Variants in SCLT1 observed in about 807,000 individuals in gnomAD.
The protein encoded by SCLT1 is sodium channel-associated protein 1.
SCLT1 carries 78 observed loss-of-function variants against 112.8 expected under a neutral mutation model. The ratio of observed to expected loss-of-function variants is 0.69; its 90% CI spans 0.58 to 0.83. The LOEUF is 0.83. SCLT1 is among the 40% of genes least tolerant of loss of function. The pLI, the probability that SCLT1 is intolerant of heterozygous loss-of-function variation, is 0.00. For synonymous variants in SCLT1, 257 were observed against 254.7 expected, an observed-to-expected ratio of 1.01 and a Z score of -0.09; for missense variants, 747 against 770.4, an observed-to-expected ratio of 0.97 and a Z score of 0.36.
At chr4:128,962,505 G>C (rs1170986846) in intron 11 of SCLT1, among the ~76,000 whole-genome samples, 1 of 151,966 alleles carries the variant, frequency 6.6e-6, no homozygotes, top group Non-Finnish European at 1.5e-5. Context: ...GATAATATTA[G>C]ACTTTACCTG....
At chr4:128,952,429 T>G (rs1738836396) in intron 14 of SCLT1, 1 of 473,554 alleles carries the variant, frequency 2.1e-6, no homozygotes, top group Non-Finnish European at 4.2e-6. Flanking sequence ...TTTCTGTATT[T>G]CTTCCTTCCC....
chr4:129,016,169 AGTTTT>A (rs1744976985), intron 5 of SCLT1, among the ~76,000 whole-genome samples: 1 of 152,018 alleles, frequency 6.6e-6, no homozygotes, highest in Non-Finnish European at 1.5e-5. Context: ...TTATTATTTT[AGTTTT>A]ATCTTATTTT....
intron 18 of SCLT1, among the ~76,000 whole-genome samples, chr4:128,896,992 C>A (rs370076873): frequency 1.3e-5 from 2 of 152,076 alleles, no homozygotes; most frequent in Non-Finnish European, 2.9e-5. Context: ...TAAAAAGAAA[C>A]GAACAAAGCC....
intron 2 of SCLT1, among the ~76,000 whole-genome samples, chr4:129,076,074 C>G (rs1561056661): frequency 6.6e-6 from 1 of 152,112 alleles, no homozygotes; most frequent in Non-Finnish European, 1.5e-5. Flanking sequence ...TCCATAATAA[C>G]ATACATATTA....
chr4:128,944,612 C>T (rs1467481970), intron 16 of SCLT1: 1 of 152,058 alleles, frequency 6.6e-6, no homozygotes, highest in African/African-American at 2.4e-5. Context: ...CTACAGCACT[C>T]CAAACATTCC....
chr4:129,061,486 T>C (rs1447644943), intron 2 of SCLT1, among the ~76,000 whole-genome samples: 1 of 152,136 alleles, frequency 6.6e-6, no homozygotes, highest in Non-Finnish European at 1.5e-5. Context: ...GGTGATAGCA[T>C]ACTTCAGATC....
At chr4:128,984,417 T>C (rs1355122912) in intron 9 of SCLT1, among the ~76,000 whole-genome samples, 2 of 152,174 alleles carry the variant, frequency 1.3e-5, no homozygotes, top group African/African-American at 4.8e-5. Flanking sequence ...ACAAGACAAA[T>C]AGTTTCTAAG....
At chr4:128,999,620 C>T in intron 7 of SCLT1, 52 bp downstream of exon 7, 1 of 1,451,730 alleles carries the variant, frequency 6.9e-7, no homozygotes, top group South Asian at 1.2e-5. Flanking sequence ...ACAGTTTCTT[C>T]AGAGTGCAAT....
chr4:128,926,115 C>A (rs1256041506), intron 18 of SCLT1, among the ~76,000 whole-genome samples: 1 of 151,610 alleles, frequency 6.6e-6, no homozygotes, highest in South Asian at 2.1e-4. Context: ...GTTATGGGTA[C>A]CATTTTCCTG....
intron 9 of SCLT1, among the ~76,000 whole-genome samples, chr4:128,977,247 T>G (rs1741257025): frequency 6.6e-6 from 1 of 152,236 alleles, no homozygotes; most frequent in Admixed American, 6.5e-5. Flanking sequence ...GAATATAATT[T>G]GGACATGTTG....
chr4:129,052,198 A>C (rs1210640062), intron 2 of SCLT1, among the ~76,000 whole-genome samples: 3 of 151,932 alleles, frequency 2.0e-5, no homozygotes, highest in Non-Finnish European at 4.4e-5. Flanking sequence ...TTTTTGTTGT[A>C]TCTCTGCCAG....
At chr4:129,046,965 G>A (rs1748242590) in intron 2 of SCLT1, among the ~76,000 whole-genome samples, 1 of 152,040 alleles carries the variant, frequency 6.6e-6, no homozygotes, top group Non-Finnish European at 1.5e-5. Flanking sequence ...CTTTTGTGAA[G>A]TGACCTGTTT....
At chr4:128,953,811 C>CA (rs1738985605) in intron 13 of SCLT1, among the ~76,000 whole-genome samples, 3 of 129,354 alleles carry the variant, frequency 2.3e-5, no homozygotes, top group South Asian at 2.6e-4. Context: ...AAAAAAAAAA[C>CA]AAAAAAACAA....
At chr4:128,984,537 A>G (rs956028555) in intron 9 of SCLT1, among the ~76,000 whole-genome samples, 23 of 152,146 alleles carry the variant, frequency 1.5e-4, no homozygotes, top group Non-Finnish European at 3.2e-4. Flanking sequence ...CTTTAGCTCA[A>G]TATTACGAAG....
chr4:129,005,673 C>A (rs1402752622), intron 5 of SCLT1, among the ~76,000 whole-genome samples: 2 of 151,906 alleles, frequency 1.3e-5, no homozygotes, highest in South Asian at 2.1e-4. Context: ...TGGGTATATA[C>A]CCAAAGGACT....
chr4:129,074,411 A>C (rs1209373390), intron 2 of SCLT1, among the ~76,000 whole-genome samples: 1 of 152,186 alleles, frequency 6.6e-6, no homozygotes, highest in African/African-American at 2.4e-5. Context: ...AGCATATTTC[A>C]AAACAGAGAT....
intron 7 of SCLT1, among the ~76,000 whole-genome samples, 193 bp downstream of exon 7, chr4:128,999,479 G>C (rs940413932): frequency 1.3e-5 from 2 of 151,890 alleles, no homozygotes; most frequent in Admixed American, 1.3e-4. Context: ...AATGATCACT[G>C]TCCAGTTCTC....
At chr4:128,990,523 T>TA (rs1742468496) in intron 9 of SCLT1, among the ~76,000 whole-genome samples, 1 of 151,774 alleles carries the variant, frequency 6.6e-6, no homozygotes, top group Non-Finnish European at 1.5e-5. Flanking sequence ...TTTCTGCTAA[T>TA]ATCTGGAACA....
At chr4:128,963,596 T>C (rs764447373) in intron 11 of SCLT1, among the ~76,000 whole-genome samples, 22 of 152,318 alleles carry the variant, frequency 1.4e-4, no homozygotes, top group Non-Finnish European at 2.6e-4. Flanking sequence ...TTAGACCTTT[T>C]TCTACTACTC....
Sources: allele counts gnomAD v4.1 joint callset (sites outside exome capture counted in the v4.1 genomes callset), GRCh38; gene constraint gnomAD v4.1.1; transcripts MANE v1.5; gene names NCBI Gene and HGNC (gene_info 2026-07-23, HGNC 2026-07-21).